The following KCNMA1 variants were observed in gnomAD, a reference collection of about 807,000 sequenced individuals.
KCNMA1 encodes the protein potassium calcium-activated channel subfamily M alpha 1.
A neutral mutation model predicts 140.0 loss-of-function variants in KCNMA1; 29 were observed. The observed-to-expected ratio is 0.21, with a 90% CI of 0.15 to 0.28. The LOEUF (loss-of-function observed/expected upper bound fraction) is 0.28, where lower values mean the gene tolerates loss of function less well. Among genes scored for constraint, KCNMA1 ranks in the 10% least tolerant of loss-of-function variants. The probability of loss-of-function intolerance (pLI) is 1.00; values close to 1 mark genes in which losing one functional copy is unlikely to be tolerated. For synonymous variants in KCNMA1, 612 were observed against 611.9 expected (o/e 1.00, Z 0.00); for missense variants, 880 against 1,602.2 (o/e 0.55, Z 7.70).
intron 5 of KCNMA1, among the ~76,000 whole-genome samples, chr10:77,132,202 A>G (rs978229033): frequency 5.9e-5 from 9 of 152,146 alleles, no homozygotes; most frequent in African/African-American, 2.2e-4. Flanking sequence ...TATCTTAGCA[A>G]TTAAAATTTT....
intron 23 of KCNMA1, among the ~76,000 whole-genome samples, chr10:76,929,389 A>T (rs1017009476): frequency 6.6e-6 from 1 of 152,136 alleles, no homozygotes. Context: ...TTGACCTCTC[A>T]AATGGACACC....
chr10:77,320,302 ATAG>A (rs991723688), intron 2 of KCNMA1, among the ~76,000 whole-genome samples: 7 of 152,204 alleles, frequency 4.6e-5, no homozygotes, highest in African/African-American at 1.7e-4. Flanking sequence ...GACACAGGAA[ATAG>A]TAGCATTAAT....
At chr10:76,910,188 A>C in intron 24 of KCNMA1, 92 bp from the exon 25 acceptor site, 2 of 1,434,500 alleles carry the variant, frequency 1.4e-6, no homozygotes, top group Non-Finnish European at 9.7e-7. Context: ...AGAAATACTG[A>C]AGTCATTGAG....
At chr10:76,901,851 AATG>A (rs1456895328) in intron 25 of KCNMA1, 1 of 152,196 alleles carries the variant, frequency 6.6e-6, no homozygotes, top group African/African-American at 2.4e-5. Flanking sequence ...GATGACAGAG[AATG>A]ATGATGTATT....
chr10:77,309,845 T>G (rs2154342311), intron 2 of KCNMA1, among the ~76,000 whole-genome samples: 1 of 152,288 alleles, frequency 6.6e-6, no homozygotes, highest in Middle Eastern at 3.4e-3. Flanking sequence ...CCACAGCCTC[T>G]CTGGTCTCAG....
chr10:77,384,264 T>C (rs928626707), intron 2 of KCNMA1, among the ~76,000 whole-genome samples: 43 of 152,322 alleles, frequency 2.8e-4, no homozygotes, highest in African/African-American at 9.6e-4. Flanking sequence ...ACAACACCTA[T>C]GCAGCTGCAC....
At chr10:77,383,677 T>C (rs950427787) in intron 2 of KCNMA1, among the ~76,000 whole-genome samples, 1 of 152,146 alleles carries the variant, frequency 6.6e-6, no homozygotes, top group Non-Finnish European at 1.5e-5. Flanking sequence ...TTTTTTACAG[T>C]CTTTTTTTGT....
At chr10:77,440,662 A>G (rs2097375540) in intron 1 of KCNMA1, among the ~76,000 whole-genome samples, 1 of 152,236 alleles carries the variant, frequency 6.6e-6, no homozygotes, top group African/African-American at 2.4e-5. Flanking sequence ...CTAACGGTCC[A>G]GAAAAGGGGA....
intron 29 of KCNMA1, chr10:76,877,912 A>C (rs200282825): frequency 3.1e-5 from 49 of 1,603,290 alleles, no homozygotes; most frequent in Non-Finnish European, 3.9e-5. Context: ...CAAAATGGAT[A>C]GAGAACAAGA....
intron 1 of KCNMA1, among the ~76,000 whole-genome samples, chr10:77,600,655 G>A (rs1043425384): frequency 6.6e-6 from 1 of 152,168 alleles, no homozygotes; most frequent in Admixed American, 6.5e-5. Context: ...GGCTGAGGCA[G>A]GAGAATCGCT....
chr10:77,114,202 G>A (rs1390696693), intron 6 of KCNMA1, among the ~76,000 whole-genome samples: 1 of 152,178 alleles, frequency 6.6e-6, no homozygotes, highest in African/African-American at 2.4e-5. Flanking sequence ...ATTCACTGGT[G>A]TTCCTTGAGT....
chr10:77,553,508 G>A (rs1249998226), intron 1 of KCNMA1, among the ~76,000 whole-genome samples: 1 of 152,190 alleles, frequency 6.6e-6, no homozygotes, highest in Non-Finnish European at 1.5e-5. Flanking sequence ...CTCCTGCTGG[G>A]CAGTCACCAG....
intron 1 of KCNMA1, among the ~76,000 whole-genome samples, chr10:77,450,343 G>T (rs868522983): frequency 6.6e-6 from 1 of 152,098 alleles, no homozygotes; most frequent in Admixed American, 6.6e-5. Context: ...GGCGTGAGCC[G>T]CTGTACCCAG....
chr10:77,115,703 G>A (rs1320264686), intron 6 of KCNMA1, among the ~76,000 whole-genome samples: 2 of 152,200 alleles, frequency 1.3e-5, no homozygotes, highest in Non-Finnish European at 2.9e-5. Context: ...GATGGTTACA[G>A]TGATATTAGT....
In KCNMA1 at chr10:77,524,235, G is replaced by A. The variant is rs546145625; in HGVS notation, c.378+113030C>T. On this transcript the variant is annotated intron_variant, in intron 1 of 27. Coordinates refer to ENST00000286628, the MANE Select transcript of KCNMA1 (RefSeq NM_001161352.2). ...AATTCACTCTCTAGAGAACACAGCTGTTACCACCTATAAAGAAAGCGAGGT... is the reference window on the plus strand; with the variant it reads ...AATTCACTCTCTAGAGAACACAGCTATTACCACCTATAAAGAAAGCGAGGT... Among the ~76,000 whole-genome samples, 7 of 152,262 alleles carry A rather than the reference G, an allele frequency of 4.6e-5. No individual in the cohort carries two copies. In the East Asian group the frequency reaches 1.4e-3, roughly 29 times the overall value.
chr10:77,309,593 C>T (rs939342047), intron 2 of KCNMA1: 6 of 152,214 alleles, frequency 3.9e-5, no homozygotes, highest in Non-Finnish European at 8.8e-5. Flanking sequence ...ACCTGGCTGG[C>T]TTCACTTTTC....
chr10:77,533,038 G>C (rs962565110), intron 1 of KCNMA1, among the ~76,000 whole-genome samples: 1 of 152,170 alleles, frequency 6.6e-6, no homozygotes, highest in Non-Finnish European at 1.5e-5. Flanking sequence ...TGCAATAGTA[G>C]AAGCTCTACT....
At chr10:76,975,116 G>A (rs1592484501) in intron 19 of KCNMA1, among the ~76,000 whole-genome samples, 1 of 152,090 alleles carries the variant, frequency 6.6e-6, no homozygotes, top group South Asian at 2.1e-4. Flanking sequence ...GGCCGTCAGC[G>A]ACACCAGTGA....
chr10:77,239,799 T>C (rs2056773406), intron 3 of KCNMA1, among the ~76,000 whole-genome samples: 1 of 152,222 alleles, frequency 6.6e-6, no homozygotes, highest in East Asian at 1.9e-4. Context: ...TGCCTCCGAT[T>C]TTGTTTTGGA....
Sources: gnomAD v4.1 joint callset for allele counts (sites outside exome capture counted in the v4.1 genomes callset) on GRCh38, gnomAD v4.1.1 for gene constraint, MANE v1.5 for transcripts, NCBI Gene and HGNC (gene_info 2026-07-23, HGNC 2026-07-21) for gene names.